The following STRN variants were observed in gnomAD, a reference collection of about 807,000 sequenced individuals.
STRN encodes striatin.
STRN carries 53 observed loss-of-function variants against 96.3 expected under a neutral mutation model. The ratio of observed to expected loss-of-function variants is 0.55; its 90% confidence interval spans 0.44 to 0.69. STRN has a LOEUF of 0.69. Ranked by LOEUF, STRN falls within the 30% of genes least tolerant of loss-of-function variation. The probability of loss-of-function intolerance (pLI) is 0.00; values close to 1 mark genes in which losing one functional copy is unlikely to be tolerated. For missense variants in STRN, 987 were observed against 963.9 expected (o/e 1.02, Z -0.32); for synonymous variants, 428 against 355.9 (o/e 1.20, Z -2.28).
chr2:36,938,023 T>C (rs1192491409), intron 1 of STRN, among the ~76,000 whole-genome samples: 1 of 152,222 alleles, frequency 6.6e-6, no homozygotes, highest in Non-Finnish European at 1.5e-5. Flanking sequence ...AATGAGTATT[T>C]TAAAGAATCT....
Position 36,867,193 on chromosome 2 carries a change from T to G in STRN, c.1547+621A>C, listed in dbSNP as rs112701699. ...TTTTGTTTCCATGTTTAGAAAAATA[T>G]GAAACCCTTCGGCCAGGTGCCTGTA... On this transcript the variant is annotated intron_variant, in intron 12 of 17. Transcript: ENST00000263918. Among the ~76,000 whole-genome samples, 807 of 152,200 alleles carry G rather than the reference T, an allele frequency of 5.3e-3. 6 individuals carry two copies. Among genetic ancestry groups the G allele is most frequent in the African/African-American group, 0.018 (750 of 41,514 alleles).
At chr2:36,911,252 C>CT (rs1669958806) in intron 3 of STRN, among the ~76,000 whole-genome samples, 1 of 152,206 alleles carries the variant, frequency 6.6e-6, no homozygotes, top group African/African-American at 2.4e-5. Context: ...ACCACCCTCT[C>CT]TAGCTGTCAT....
At chr2:36,900,930 G>T (rs1383887404) in intron 5 of STRN, among the ~76,000 whole-genome samples, 1 of 150,394 alleles carries the variant, frequency 6.6e-6, no homozygotes, top group African/African-American at 2.4e-5. Flanking sequence ...ATTTAGTAAA[G>T]ATTCCAATGG....
intron 2 of STRN, among the ~76,000 whole-genome samples, chr2:36,920,257 A>G (rs1179579385): frequency 1.3e-5 from 2 of 152,236 alleles, no homozygotes; most frequent in Non-Finnish European, 2.9e-5. Context: ...TTCAAGCCAC[A>G]AATAAATGCT....
At position 36,894,064 on chromosome 2, in the gene STRN, G is replaced by A. The variant is rs756693547; in HGVS notation, c.796-31C>T. On this transcript the variant is annotated intron_variant, in intron 6 of 17. Coordinates refer to ENST00000263918, the MANE Select transcript of STRN (RefSeq NM_003162.4). ...GAAAAAACATGCTAAATTAAATAAA[G>A]GAGATAGTTTCCCTTTACCACTGAA... 1.9e-6 allele frequency: 3 copies of A among 1,597,182 alleles called. 1 individual carries two copies. In the Admixed American group the frequency reaches 5.3e-5, roughly 28 times the overall value.
chr2:36,955,105 A>C (rs2148273567), intron 1 of STRN, among the ~76,000 whole-genome samples: 1 of 152,374 alleles, frequency 6.6e-6, no homozygotes, highest in Admixed American at 6.5e-5. Context: ...TTAATCATCT[A>C]AATATTAAAA....
At position 36,851,446 on chromosome 2, in the gene STRN, G is replaced by A. The variant is rs13430798; in HGVS notation, c.1979-339C>T. Among the ~76,000 whole-genome samples the A allele has an allele frequency of 7.1e-3, 1,085 of 152,178 alleles. 17 individuals carry two copies. The highest frequency in any genetic ancestry group is 0.025 in the African/African-American group (1,038 of 41,518). On this transcript the variant is annotated intron_variant, in intron 15 of 17. Coordinates refer to ENST00000263918, the MANE Select transcript of STRN (RefSeq NM_003162.4). The stretch of plus-strand genomic sequence containing the variant: ...TGCAGTGAGCCGAGATCGTGCCACT[G>A]CATTCCAGCCTAGGTGTCAGAGCGA...
chr2:36,883,160 T>C (rs1485646872), intron 9 of STRN, among the ~76,000 whole-genome samples: 2 of 151,972 alleles, frequency 1.3e-5, no homozygotes, highest in Admixed American at 1.3e-4. Flanking sequence ...GTATAAAAAG[T>C]ATATACATGT....
chr2:36,927,568 C>G (rs1202333269), intron 1 of STRN, among the ~76,000 whole-genome samples: 11 of 146,488 alleles, frequency 7.5e-5, no homozygotes, highest in Non-Finnish European at 1.0e-4. Flanking sequence ...GTAGCTAATA[C>G]CTGTAATCCC....
At position 36,840,319 on chromosome 2, in the gene STRN, T is replaced by A. The variant is rs1170896626; in HGVS notation, c.*9137A>T. 6.6e-6 allele frequency: 1 copy of A among 151,946 alleles called. No homozygotes were observed. Among genetic ancestry groups the A allele is most frequent in the African/African-American group, 2.4e-5 (1 of 41,282 alleles). 9.4% of individuals were successfully genotyped at this position (151,946 alleles called of 1,614,324 possible). A position where few individuals can be genotyped will look rare whatever the true frequency, so the allele number is the denominator to read the frequency against. On this transcript the variant is annotated 3_prime_UTR_variant, in exon 18 of 18. Transcript: ENST00000263918. ...TGGGGGTCCGGGGATAGATGGGAGG[T>A]CATCAACAGGGTTTAGGGACACCTT... is the stretch of plus-strand genomic sequence containing the variant.
intron 2 of STRN, among the ~76,000 whole-genome samples, chr2:36,922,391 T>A (rs1266329507): frequency 6.6e-6 from 1 of 151,898 alleles, no homozygotes; most frequent in South Asian, 2.1e-4. Flanking sequence ...GACTGGAGTA[T>A]ATCTGTATTC....
intron 10 of STRN, among the ~76,000 whole-genome samples, chr2:36,873,278 A>C (rs1285241786): frequency 6.6e-6 from 1 of 152,270 alleles, no homozygotes; most frequent in East Asian, 1.9e-4. Flanking sequence ...AACTTTTCAA[A>C]TAACAGTTTC....
chr2:36,891,038 C>T (rs1358329192), intron 7 of STRN, among the ~76,000 whole-genome samples: 1 of 152,142 alleles, frequency 6.6e-6, no homozygotes, highest in African/African-American at 2.4e-5. Context: ...TTGTACTATA[C>T]TGGTTCAGCA....
chr2:36,888,100 C>A (rs1669286989), intron 7 of STRN, among the ~76,000 whole-genome samples: 1 of 152,176 alleles, frequency 6.6e-6, no homozygotes, highest in African/African-American at 2.4e-5. Flanking sequence ...GAGCAAAACC[C>A]ATTCTTTCCC....
chr2:36,911,742 T>C (rs1247961535), intron 3 of STRN, among the ~76,000 whole-genome samples: 1 of 152,176 alleles, frequency 6.6e-6, no homozygotes, highest in African/African-American at 2.4e-5. Context: ...TCAAATTTTT[T>C]TGTCCCTTTT....
chr2:36,847,001 G>C lies in STRN; in HGVS notation c.*2455C>G, dbSNP rs1668095339. ...TTCATTCTGTGAATTTTCATTGAAT[G>C]TTCAACAGGCTAGGGGAAAAGTCAG... On this transcript the variant is annotated 3_prime_UTR_variant, in exon 18 of 18. Coordinates refer to ENST00000263918, the MANE Select transcript of STRN (RefSeq NM_003162.4). The C allele has an allele frequency of 6.6e-6, 1 of 152,102 alleles. No individual in the cohort carries two copies. Among genetic ancestry groups the C allele is most frequent in the Non-Finnish European group, 1.5e-5 (1 of 68,014 alleles). 9.4% of individuals were successfully genotyped at this position (152,102 alleles called of 1,614,324 possible).
chr2:36,894,306 T>C (rs751697233), intron 6 of STRN, among the ~76,000 whole-genome samples: 4 of 152,208 alleles, frequency 2.6e-5, no homozygotes, highest in African/African-American at 9.6e-5. Flanking sequence ...ATGACAGATA[T>C]ACGATTTACA....
At chr2:36,934,903 C>T (rs899460254) in intron 1 of STRN, among the ~76,000 whole-genome samples, 5 of 152,126 alleles carry the variant, frequency 3.3e-5, no homozygotes, top group African/African-American at 1.2e-4. Flanking sequence ...GATGGTGAAA[C>T]CCCGTCTCTA....
intron 1 of STRN, among the ~76,000 whole-genome samples, chr2:36,947,347 T>C (rs1338820264): frequency 1.3e-5 from 2 of 151,850 alleles, no homozygotes; most frequent in African/African-American, 2.4e-5. Context: ...AATCGAAATG[T>C]CAAAATTTTT....
Sources: gnomAD v4.1 joint callset for allele counts (sites outside exome capture counted in the v4.1 genomes callset) on GRCh38, gnomAD v4.1.1 for gene constraint, MANE v1.5 for transcripts, NCBI Gene and HGNC (gene_info 2026-07-23, HGNC 2026-07-21) for gene names.